The following PHC3 variants were observed in gnomAD, a reference collection of about 807,000 sequenced individuals.
PHC3 encodes the protein polyhomeotic-like protein 3.
A neutral mutation model predicts 107.4 loss-of-function variants in PHC3; 13 were observed. That is an observed-to-expected ratio of 0.12 (90% CI 0.08 to 0.19). The LOEUF (loss-of-function observed/expected upper bound fraction) is 0.19, where lower values mean the gene tolerates loss of function less well. Ranked by LOEUF, PHC3 falls within the 10% of genes least tolerant of loss-of-function variation. The pLI is 1.00. For missense variants in PHC3, 992 were observed against 1,210.9 expected (o/e 0.82, Z 2.68); for synonymous variants, 456 against 427.4 (o/e 1.07, Z -0.83).
chr3:170,118,368 CTT>C (rs892252648), intron 9 of PHC3, among the ~76,000 whole-genome samples: 2 of 152,188 alleles, frequency 1.3e-5, no homozygotes, highest in Admixed American at 6.5e-5. Context: ...ACCTCAGCCT[CTT>C]GAGTAGGTGG....
chr3:170,169,418 G>T (rs912861108), intron 4 of PHC3, among the ~76,000 whole-genome samples: 2 of 152,054 alleles, frequency 1.3e-5, no homozygotes, highest in South Asian at 2.1e-4. Context: ...TTTGGATATT[G>T]ACCTAAATTT....
Position 170,171,361 on chromosome 3 carries a change from T to G in PHC3, c.414+12A>C. The G allele has an allele frequency of 6.4e-7, 1 of 1,565,746 alleles. No individual in the cohort carries two copies. The highest frequency in any genetic ancestry group is 8.7e-7 in the Non-Finnish European group (1 of 1,155,724). ...ATTTTAAATCCAGGAAAAAAAAATT[T>G]AGGGAACTTACAGACGTTTGGGACA... On this transcript the variant is annotated intron_variant, in intron 4 of 14. Transcript: ENST00000495893.
intron 3 of PHC3, among the ~76,000 whole-genome samples, chr3:170,171,756 T>G (rs1010679120): frequency 6.6e-6 from 1 of 152,138 alleles, no homozygotes; most frequent in Admixed American, 6.5e-5. Flanking sequence ...AAAAAGAAAT[T>G]AGAGCTACAG....
At chr3:170,137,657 G>A (rs1036098682) in intron 6 of PHC3, among the ~76,000 whole-genome samples, 1 of 152,194 alleles carries the variant, frequency 6.6e-6, no homozygotes, top group African/African-American at 2.4e-5. Context: ...CCAGCACTTT[G>A]GGAAATCGAG....
At chr3:170,120,725 A>C (rs1246787675) in intron 9 of PHC3, among the ~76,000 whole-genome samples, 1 of 151,908 alleles carries the variant, frequency 6.6e-6, no homozygotes, top group Non-Finnish European at 1.5e-5. Flanking sequence ...AGGGAATAGA[A>C]GCTCGAGAGA....
At chr3:170,172,382 C>A (rs995629094) in intron 3 of PHC3, among the ~76,000 whole-genome samples, 175 bp downstream of exon 3, 3 of 149,126 alleles carry the variant, frequency 2.0e-5, no homozygotes, top group East Asian at 4.0e-4. Context: ...CATAAAAAAA[C>A]ATATCCCCTT....
chr3:170,128,432 G>T, intron 8 of PHC3: 1 of 1,279,294 alleles, frequency 7.8e-7, no homozygotes, highest in Non-Finnish European at 1.0e-6. Flanking sequence ...AGATGGATTT[G>T]TTTAAATAGT....
intron 2 of PHC3, among the ~76,000 whole-genome samples, chr3:170,174,992 T>C (rs1730193930): frequency 6.6e-6 from 1 of 152,146 alleles, no homozygotes; most frequent in Admixed American, 6.5e-5. Flanking sequence ...TTTGTCAGAG[T>C]ATACTCATTT....
At chr3:170,118,537 G>A (rs1313229184) in intron 9 of PHC3, among the ~76,000 whole-genome samples, 2 of 151,884 alleles carry the variant, frequency 1.3e-5, no homozygotes, top group African/African-American at 4.8e-5. Flanking sequence ...TCAGCCTCCC[G>A]AGTAGCTGGG....
chr3:170,107,307 G>A (rs533878256), intron 11 of PHC3, among the ~76,000 whole-genome samples: 1 of 152,310 alleles, frequency 6.6e-6, no homozygotes, highest in South Asian at 2.1e-4. Flanking sequence ...TCAAAAAGCT[G>A]AGGGTGGGAT....
At chr3:170,098,117 A>C (rs1245940310) in intron 14 of PHC3, among the ~76,000 whole-genome samples, 1 of 152,148 alleles carries the variant, frequency 6.6e-6, no homozygotes, top group Non-Finnish European at 1.5e-5. Context: ...TCTCAGTCTA[A>C]ACCAGGTGCT....
At chr3:170,151,913 G>A (rs558921555) in intron 4 of PHC3, among the ~76,000 whole-genome samples, 98 of 152,246 alleles carry the variant, frequency 6.4e-4, no homozygotes, top group African/African-American at 1.8e-3. Context: ...AGGAAGCTGA[G>A]TGAAGTTTAT....
At chr3:170,115,255 T>C (rs191413578) in intron 10 of PHC3, among the ~76,000 whole-genome samples, 38 of 152,242 alleles carry the variant, frequency 2.5e-4, no homozygotes, top group Non-Finnish European at 5.3e-4. Flanking sequence ...TGAAATATTA[T>C]GTAACCTTTC....
chr3:170,117,102 G>T, intron 10 of PHC3, 124 bp downstream of exon 10: 1 of 1,222,424 alleles, frequency 8.2e-7, no homozygotes, highest in Non-Finnish European at 1.2e-6. Flanking sequence ...ATAAATGCTA[G>T]ATTAAAATGG....
At chr3:170,153,856 C>T (rs1726438712) in intron 4 of PHC3, among the ~76,000 whole-genome samples, 2 of 152,060 alleles carry the variant, frequency 1.3e-5, no homozygotes, top group African/African-American at 4.8e-5. Flanking sequence ...ACACAACCTT[C>T]CCATTACCAT....
At chr3:170,170,724 TGAGTA>T (rs1005021638) in intron 4 of PHC3, 2 of 152,158 alleles carry the variant, frequency 1.3e-5, no homozygotes, top group Non-Finnish European at 2.9e-5. Flanking sequence ...TTGATTAATC[TGAGTA>T]GAGTAGATAC....
At chr3:170,172,758 T>C (rs1309561861) in intron 2 of PHC3, 46 bp from the exon 3 acceptor site, 1 of 1,546,888 alleles carries the variant, frequency 6.5e-7, no homozygotes, top group African/African-American at 1.4e-5. Flanking sequence ...ATCTCAACCT[T>C]TATCTTAATC....
At chr3:170,136,387 T>C (rs1222605911) in intron 7 of PHC3, 32 bp downstream of exon 7, 5 of 1,611,632 alleles carry the variant, frequency 3.1e-6, no homozygotes, top group African/African-American at 2.7e-5. Context: ...AAATGAATAA[T>C]ACAACTATTT....
intron 9 of PHC3, among the ~76,000 whole-genome samples, chr3:170,119,572 GA>G (rs1719792895): frequency 6.6e-6 from 1 of 152,050 alleles, no homozygotes. Flanking sequence ...TATTACAATA[GA>G]AGAGAAAGAC....
Sources: gnomAD v4.1 joint callset for allele counts (sites outside exome capture counted in the v4.1 genomes callset) on GRCh38, gnomAD v4.1.1 for gene constraint, MANE v1.5 for transcripts, NCBI Gene and HGNC (gene_info 2026-07-23, HGNC 2026-07-21) for gene names.